Variants in SLC25A26 observed in about 807,000 individuals in gnomAD.
SLC25A26 encodes mitochondrial S-adenosylmethionine carrier protein.
Under a neutral mutation model 37.8 loss-of-function variants are expected in SLC25A26, and 36 were observed. The ratio of observed to expected loss-of-function variants is 0.95; its 90% CI spans 0.73 to 1.26. The LOEUF is 1.26. Ranked by LOEUF, SLC25A26 falls within the 50% of genes most tolerant of loss-of-function variation. The pLI, the probability that SLC25A26 is intolerant of heterozygous loss-of-function variation, is 0.00. For synonymous variants in SLC25A26, 129 were observed against 122.5 expected (o/e 1.05, Z -0.35); for missense variants, 390 against 331.1 (o/e 1.18, Z -1.38).
At chr3:66,180,191 G>A (rs1423963834) in intron 1 of SLC25A26, among the ~76,000 whole-genome samples, 1 of 152,140 alleles carries the variant, frequency 6.6e-6, no homozygotes, top group Admixed American at 6.5e-5. Flanking sequence ...GCGTAGTTAT[G>A]AGCAGACCTA....
chr3:66,205,019 C>T (rs2071159215), intron 1 of SLC25A26, among the ~76,000 whole-genome samples: 1 of 152,152 alleles, frequency 6.6e-6, no homozygotes, highest in Non-Finnish European at 1.5e-5. Flanking sequence ...TGGCTAAGAA[C>T]ATTGACTTTC....
intron 1 of SLC25A26, among the ~76,000 whole-genome samples, chr3:66,142,291 C>T (rs2070047160): frequency 1.3e-5 from 2 of 152,174 alleles, no homozygotes; most frequent in South Asian, 4.1e-4. Flanking sequence ...GAGGTTCATC[C>T]AGGCCATCGC....
At chr3:66,310,163 C>T (rs2075337130) in intron 5 of SLC25A26, among the ~76,000 whole-genome samples, 1 of 152,138 alleles carries the variant, frequency 6.6e-6, no homozygotes, top group South Asian at 2.1e-4. Context: ...TAAGAACTTG[C>T]TTTATGAATC....
chr3:66,311,648 G>A (rs940803671), intron 5 of SLC25A26, among the ~76,000 whole-genome samples: 1 of 152,000 alleles, frequency 6.6e-6, no homozygotes, highest in Non-Finnish European at 1.5e-5. Context: ...GATCTTTGAC[G>A]CGGATGACTT....
chr3:66,186,299 C>G (rs2070825691), intron 1 of SLC25A26, among the ~76,000 whole-genome samples: 1 of 151,948 alleles, frequency 6.6e-6, no homozygotes, highest in South Asian at 2.1e-4. Context: ...TTATCTCACT[C>G]TGACCCTGAC....
intron 5 of SLC25A26, among the ~76,000 whole-genome samples, chr3:66,306,210 G>T (rs907454068): frequency 6.6e-6 from 1 of 152,206 alleles, no homozygotes; most frequent in Admixed American, 6.5e-5. Context: ...TCAAACTCCT[G>T]ACCTCGTGAT....
intron 1 of SLC25A26, 38 bp from the exon 2 acceptor site, chr3:66,236,506 T>C (rs2072293522): frequency 2.4e-6 from 3 of 1,265,780 alleles, no homozygotes; most frequent in African/African-American, 1.5e-5. Context: ...TGTTGTAACC[T>C]TTTTTTTTTC....
intron 9 of SLC25A26, 149 bp downstream of exon 9, chr3:66,370,751 A>G (rs1700306328): frequency 4.7e-6 from 3 of 638,488 alleles, no homozygotes; most frequent in East Asian, 2.8e-5. Context: ...TTGATGTTGT[A>G]TATATGAGAT....
intron 1 of SLC25A26, among the ~76,000 whole-genome samples, chr3:66,181,820 A>G (rs1340878117): frequency 2.0e-5 from 2 of 97,848 alleles, no homozygotes; most frequent in Non-Finnish European, 3.7e-5. Flanking sequence ...ACATGTATTG[A>G]GTTTCTATCA....
At chr3:66,166,770 C>T (rs2070430295) in intron 1 of SLC25A26, among the ~76,000 whole-genome samples, 1 of 152,122 alleles carries the variant, frequency 6.6e-6, no homozygotes, top group African/African-American at 2.4e-5. Context: ...CAGTGCCTGG[C>T]CACTGGAATG....
intron 1 of SLC25A26, among the ~76,000 whole-genome samples, chr3:66,234,559 A>G (rs2072184341): frequency 6.6e-6 from 1 of 152,174 alleles, no homozygotes; most frequent in Non-Finnish European, 1.5e-5. Context: ...ATTACTATTT[A>G]TAGTAATGTA....
intron 3 of SLC25A26, among the ~76,000 whole-genome samples, chr3:66,250,486 G>A (rs921786711): frequency 2.0e-5 from 3 of 152,186 alleles, no homozygotes; most frequent in African/African-American, 7.2e-5. Flanking sequence ...TTTGCATTTT[G>A]ATCTTTTCCG....
At chr3:66,362,961 C>G in intron 7 of SLC25A26, 32 bp downstream of exon 7, 1 of 1,402,424 alleles carries the variant, frequency 7.1e-7, no homozygotes. Context: ...TGGGAAAGAC[C>G]AAAGAGGGGG....
chr3:66,185,585 C>T (rs2070811121), intron 1 of SLC25A26, among the ~76,000 whole-genome samples: 1 of 152,068 alleles, frequency 6.6e-6, no homozygotes, highest in South Asian at 2.1e-4. Context: ...CCCTGTCCTA[C>T]ATCCTGACCT....
intron 6 of SLC25A26, among the ~76,000 whole-genome samples, chr3:66,347,152 A>G (rs1462733109): frequency 1.3e-5 from 2 of 152,246 alleles, no homozygotes; most frequent in African/African-American, 4.8e-5. Context: ...GAGCTTCTGC[A>G]CAGCAAAAGA....
At chr3:66,275,604 G>C (rs1366275235) in intron 5 of SLC25A26, among the ~76,000 whole-genome samples, 8 of 151,998 alleles carry the variant, frequency 5.3e-5, no homozygotes, top group Non-Finnish European at 7.4e-5. Flanking sequence ...AAGTACTTAG[G>C]TATTAAGATC....
intron 1 of SLC25A26, among the ~76,000 whole-genome samples, chr3:66,153,881 C>T (rs2070241685): frequency 6.6e-6 from 1 of 152,172 alleles, no homozygotes; most frequent in South Asian, 2.1e-4. Context: ...ACCGAGGGAG[C>T]TCTGGGGGTT....
At chr3:66,182,587 T>C (rs1484247680) in intron 1 of SLC25A26, among the ~76,000 whole-genome samples, 2 of 151,968 alleles carry the variant, frequency 1.3e-5, no homozygotes, top group African/African-American at 4.8e-5. Flanking sequence ...CCCATAGAGT[T>C]TGAAAAGGCC....
At chr3:66,223,853 T>A (rs2071612636) in intron 1 of SLC25A26, among the ~76,000 whole-genome samples, 1 of 152,146 alleles carries the variant, frequency 6.6e-6, no homozygotes, top group Admixed American at 6.6e-5. Flanking sequence ...AAAGAGTACA[T>A]TGATCAGTGC....
Sources: gnomAD v4.1 joint callset for allele counts (sites outside exome capture counted in the v4.1 genomes callset) on GRCh38, gnomAD v4.1.1 for gene constraint, MANE v1.5 for transcripts, NCBI Gene and HGNC (gene_info 2026-07-23, HGNC 2026-07-21) for gene names.